The following ITGB5 variants were observed in gnomAD, a reference collection of about 807,000 sequenced individuals.
The protein encoded by ITGB5 is integrin subunit beta 5, also known as integrin beta-5.
A neutral mutation model predicts 84.8 loss-of-function variants in ITGB5; 38 were observed. That is an observed-to-expected ratio of 0.45 (90% CI 0.35 to 0.59). The LOEUF is 0.59. Ranked by LOEUF, ITGB5 falls within the 20% of genes least tolerant of loss-of-function variation. The pLI, the probability that ITGB5 is intolerant of heterozygous loss-of-function variation, is 0.01. For synonymous variants in ITGB5, 393 were observed against 414.4 expected (o/e 0.95, Z 0.63); for missense variants, 905 against 1,034.5 (o/e 0.87, Z 1.72).
chr3:124,794,486 G>T (rs985461967), intron 10 of ITGB5, among the ~76,000 whole-genome samples: 14 of 152,164 alleles, frequency 9.2e-5, no homozygotes, highest in East Asian at 7.7e-4. Flanking sequence ...CTGTTTAACA[G>T]AACGAAAAGG....
At chr3:124,799,193 T>G (rs2064278513) in intron 9 of ITGB5, among the ~76,000 whole-genome samples, 4 of 152,126 alleles carry the variant, frequency 2.6e-5, no homozygotes, top group African/African-American at 9.7e-5. Flanking sequence ...GGTCTCGAGG[T>G]ACAGGGAGTC....
intron 2 of ITGB5, among the ~76,000 whole-genome samples, chr3:124,864,036 G>GAA (rs1399102126): frequency 0.013 from 1,076 of 80,896 alleles, 2 homozygotes; most frequent in African/African-American, 0.018. Context: ...AAGAAAGAAA[G>GAA]AAAAGAAAAA....
chr3:124,889,743 T>C (rs1177421077), upstream of ITGB5, among the ~76,000 whole-genome samples: 1 of 152,134 alleles, frequency 6.6e-6, no homozygotes, highest in Non-Finnish European at 1.5e-5. Context: ...GGCCAGCGCG[T>C]TGGCTCATGT....
chr3:124,887,747 G>A (rs1179794052), upstream of ITGB5: 1 of 447,580 alleles, frequency 2.2e-6, no homozygotes, highest in Admixed American at 2.4e-5. Context: ...GAGAGGGAGA[G>A]CAGGTACGGG....
At chr3:124,840,102 TGGAGA>T (rs2064990581) in intron 5 of ITGB5, among the ~76,000 whole-genome samples, 1 of 152,182 alleles carries the variant, frequency 6.6e-6, no homozygotes, top group South Asian at 2.1e-4. Flanking sequence ...AAGGATTGAG[TGGAGA>T]GGAAACAGGA....
chr3:124,871,826 AAAAAAT>A (rs1278075657), intron 2 of ITGB5, among the ~76,000 whole-genome samples: 23 of 151,116 alleles, frequency 1.5e-4, no homozygotes, highest in East Asian at 1.9e-4. Flanking sequence ...ATCCTGTCTC[AAAAAAT>A]AAAAATAAAA....
chr3:124,766,743 T>C lies in ITGB5; in HGVS notation c.2018-398A>G, dbSNP rs183593709. ...TTGAGGCTTGAGTGGGGCTTCATAT[T>C]TGAGAAACAGCCCAGGCCACTTGGG... On this transcript the variant is annotated intron_variant, in intron 12 of 14. Transcript: ENST00000296181. 2.5e-3 allele frequency among the ~76,000 whole-genome samples: 377 copies of C among 152,280 alleles called. 3 individuals are homozygous for C. The highest frequency in any genetic ancestry group is 8.3e-3 in the African/African-American group (343 of 41,556).
At chr3:124,768,407 G>A (rs2063796188) in intron 12 of ITGB5, among the ~76,000 whole-genome samples, 1 of 152,210 alleles carries the variant, frequency 6.6e-6, no homozygotes, top group Non-Finnish European at 1.5e-5. Context: ...AGTAGTCAAT[G>A]CCAATTTTCC....
chr3:124,825,269 A>G (rs957504074), intron 5 of ITGB5, among the ~76,000 whole-genome samples: 7 of 152,304 alleles, frequency 4.6e-5, no homozygotes, highest in South Asian at 2.1e-4. Flanking sequence ...ATGTTTCACC[A>G]ACTCTGGAAA....
At chr3:124,847,821 T>C (rs905784327) in intron 4 of ITGB5, among the ~76,000 whole-genome samples, 2 of 152,134 alleles carry the variant, frequency 1.3e-5, no homozygotes, top group African/African-American at 4.8e-5. Context: ...TTCAGGTGTT[T>C]ATGTTGAAAA....
At chr3:124,771,748 CAAA>C (rs59189728) in intron 11 of ITGB5, among the ~76,000 whole-genome samples, 27 of 69,152 alleles carry the variant, frequency 3.9e-4, no homozygotes, top group East Asian at 9.0e-4. Context: ...GACCCTGTCT[CAAA>C]AAAAAAAAAA....
intron 2 of ITGB5, among the ~76,000 whole-genome samples, chr3:124,870,892 A>AT (rs910718987): frequency 2.6e-5 from 4 of 151,416 alleles, no homozygotes; most frequent in African/African-American, 4.9e-5. Flanking sequence ...AAACTGATTA[A>AT]TTTTTTTTTC....
intron 5 of ITGB5, 82 bp downstream of exon 5, chr3:124,841,301 C>A: frequency 7.2e-7 from 1 of 1,382,008 alleles, no homozygotes; most frequent in Middle Eastern, 2.0e-4. Flanking sequence ...CACTCAAAGA[C>A]TCCTGCAGGA....
chr3:124,834,891 A>G (rs2064911103), intron 5 of ITGB5, among the ~76,000 whole-genome samples: 1 of 152,192 alleles, frequency 6.6e-6, no homozygotes, highest in Non-Finnish European at 1.5e-5. Flanking sequence ...ACAGGAGCCC[A>G]AGAGCAAATT....
At chr3:124,818,502 CTTTTTTTTTTTT>C (rs143582866) in intron 7 of ITGB5, among the ~76,000 whole-genome samples, 4 of 68,192 alleles carry the variant, frequency 5.9e-5, no homozygotes, top group African/African-American at 1.6e-4. Flanking sequence ...AGTGCATAGG[CTTTTTTTTTTTT>C]TTTTTTTTTT....
chr3:124,847,886 T>C (rs1393944151), intron 4 of ITGB5, among the ~76,000 whole-genome samples: 1 of 152,224 alleles, frequency 6.6e-6, no homozygotes, highest in African/African-American at 2.4e-5. Flanking sequence ...AAATAAGTTA[T>C]AGTTATTTAT....
At chr3:124,863,692 T>A (rs974668949) in intron 2 of ITGB5, among the ~76,000 whole-genome samples, 1 of 152,282 alleles carries the variant, frequency 6.6e-6, no homozygotes, top group African/African-American at 2.4e-5. Context: ...CTAATTTTTG[T>A]ATTTTTAGTA....
chr3:124,772,992 G>A (rs1053248350), intron 11 of ITGB5, among the ~76,000 whole-genome samples: 7 of 139,454 alleles, frequency 5.0e-5, no homozygotes, highest in East Asian at 2.2e-4. Context: ...TGCAATCTCC[G>A]CCTCCCAGGT....
chr3:124,803,031 T>C (rs1302399044), intron 9 of ITGB5, among the ~76,000 whole-genome samples: 1 of 152,186 alleles, frequency 6.6e-6, no homozygotes, highest in Non-Finnish European at 1.5e-5. Flanking sequence ...CTGTCAAAGG[T>C]GCCGGCCTGA....
Sources: gnomAD v4.1 joint callset for allele counts (sites outside exome capture counted in the v4.1 genomes callset) on GRCh38, gnomAD v4.1.1 for gene constraint, MANE v1.5 for transcripts, NCBI Gene and HGNC (gene_info 2026-07-23, HGNC 2026-07-21) for gene names.